Variants in CCDC91 observed in about 807,000 individuals in gnomAD.
The protein encoded by CCDC91 is coiled-coil domain containing 91.
Under a neutral mutation model 63.2 loss-of-function variants are expected in CCDC91, and 48 were observed. The observed-to-expected ratio is 0.76, with a 90% confidence interval of 0.60 to 0.97. CCDC91 has a LOEUF of 0.97. Ranked by LOEUF, CCDC91 falls within the 50% of genes least tolerant of loss-of-function variation. The pLI is 0.00. For missense variants in CCDC91, 500 were observed against 494.6 expected, an observed-to-expected ratio of 1.01 and a Z score of -0.10; for synonymous variants, 167 against 165.8, an observed-to-expected ratio of 1.01 and a Z score of -0.06.
At chr12:28,402,330 C>G (rs911841080) in intron 8 of CCDC91, among the ~76,000 whole-genome samples, 10 of 151,892 alleles carry the variant, frequency 6.6e-5, no homozygotes, top group Non-Finnish European at 1.3e-4. Flanking sequence ...TTGTAGTTTT[C>G]CTCTTATAGA....
chr12:28,303,554 G>A (rs1216462408), intron 3 of CCDC91, among the ~76,000 whole-genome samples: 1 of 151,968 alleles, frequency 6.6e-6, no homozygotes, highest in Admixed American at 6.6e-5. Flanking sequence ...TATTAAAATA[G>A]GTGTTAGATC....
At chr12:28,369,481 C>T (rs1298763103) in intron 7 of CCDC91, among the ~76,000 whole-genome samples, 1 of 152,214 alleles carries the variant, frequency 6.6e-6, no homozygotes, top group Non-Finnish European at 1.5e-5. Context: ...GCTGCTTCCA[C>T]AGGCTGGCAT....
At chr12:28,499,430 A>G (rs1339890796) in intron 12 of CCDC91, among the ~76,000 whole-genome samples, 2 of 151,788 alleles carry the variant, frequency 1.3e-5, no homozygotes, top group African/African-American at 2.4e-5. Context: ...ATAGGTATAC[A>G]TGTGCCATAG....
At chr12:28,193,856 TTA>T (rs1941493099) in intron 1 of CCDC91, among the ~76,000 whole-genome samples, 1 of 138,952 alleles carries the variant, frequency 7.2e-6, no homozygotes, top group Non-Finnish European at 1.6e-5. Flanking sequence ...TCTTCTTTGA[TTA>T]AGTGTCTGCT....
chr12:28,505,229 G>A (rs1210198896), intron 12 of CCDC91, among the ~76,000 whole-genome samples: 2 of 151,828 alleles, frequency 1.3e-5, no homozygotes, highest in African/African-American at 2.4e-5. Flanking sequence ...GCTGAATTTT[G>A]TATATGAAGT....
intron 12 of CCDC91, among the ~76,000 whole-genome samples, chr12:28,513,023 A>G (rs1338039113): frequency 1.3e-5 from 2 of 151,850 alleles, no homozygotes; most frequent in Admixed American, 1.3e-4. Flanking sequence ...CTAGATGTAA[A>G]TCTTCCAGGA....
rs188270572 is a variant in CCDC91 at position 28,250,859 on chromosome 12, T to C, written c.-14-6343T>C. Reference sequence around the variant, plus strand: ...AACTTAGGTAGACAGTTACATTTTCTTGACCCAATAAGCCTGAAATTCTGT... The same window carrying C: ...AACTTAGGTAGACAGTTACATTTTCCTGACCCAATAAGCCTGAAATTCTGT... On this transcript the variant is annotated intron_variant, in intron 1 of 12. Coordinates refer to ENST00000536442, the MANE Select transcript of CCDC91 (RefSeq NM_018318.5). 6.6e-5 allele frequency among the ~76,000 whole-genome samples: 10 copies of C among 152,182 alleles called. No individual in the cohort carries two copies. The East Asian group carries it at 1.9e-3, about 29-fold the overall frequency.
At chr12:28,292,662 A>G (rs561854060) in intron 3 of CCDC91, among the ~76,000 whole-genome samples, 1 of 152,194 alleles carries the variant, frequency 6.6e-6, no homozygotes, top group South Asian at 2.1e-4. Context: ...CCATATTAAT[A>G]TAAAATAGGC....
At position 28,193,723 on chromosome 12, in the gene CCDC91, AT is replaced by A. The variant is rs144408301; in HGVS notation, c.-15+3086del. On this transcript the variant is annotated intron_variant, in intron 1 of 12. Coordinates refer to ENST00000536442, the MANE Select transcript of CCDC91 (RefSeq NM_018318.5). ...CTCCACATTCTGGTCAGCACTTGTC[AT>A]TTTATTTTTAATGTTAGCTATTCTA... Among the ~76,000 whole-genome samples the A allele has an allele frequency of 8.5e-3, 1,289 of 152,190 alleles. 24 individuals are homozygous for A. The highest frequency in any genetic ancestry group is 0.028 in the African/African-American group (1,160 of 41,528).
chr12:28,241,230 A>G (rs994968853), intron 1 of CCDC91, among the ~76,000 whole-genome samples: 3 of 152,212 alleles, frequency 2.0e-5, no homozygotes, highest in African/African-American at 4.8e-5. Flanking sequence ...TCTATTGAAA[A>G]GAACATGCTT....
intron 12 of CCDC91, among the ~76,000 whole-genome samples, chr12:28,498,348 G>A (rs902840220): frequency 6.6e-6 from 1 of 151,582 alleles, no homozygotes; most frequent in Non-Finnish European, 1.5e-5. Flanking sequence ...AGAAAACTGT[G>A]AACAAGGCAT....
At chr12:28,429,966 C>G (rs1023477081) in intron 8 of CCDC91, among the ~76,000 whole-genome samples, 3 of 152,008 alleles carry the variant, frequency 2.0e-5, no homozygotes, top group African/African-American at 7.2e-5. Context: ...TTTTGAGTCA[C>G]TTCATTCTGT....
chr12:28,344,791 C>T (rs1455662074), intron 6 of CCDC91, among the ~76,000 whole-genome samples: 1 of 152,118 alleles, frequency 6.6e-6, no homozygotes, highest in African/African-American at 2.4e-5. Context: ...GAGCCTTCCA[C>T]TATTTTCTCC....
intron 1 of CCDC91, among the ~76,000 whole-genome samples, chr12:28,232,011 C>T (rs1565645399): frequency 1.3e-5 from 2 of 152,130 alleles, no homozygotes; most frequent in Admixed American, 6.6e-5. Flanking sequence ...GGATAATTCA[C>T]TCCAGAAAGT....
chr12:28,321,246 C>T (rs895746043), intron 6 of CCDC91, among the ~76,000 whole-genome samples: 3 of 151,830 alleles, frequency 2.0e-5, no homozygotes, highest in African/African-American at 7.2e-5. Context: ...CCCCATATCC[C>T]ATTCCTCTTT....
intron 3 of CCDC91, among the ~76,000 whole-genome samples, chr12:28,274,488 C>G (rs1157452164): frequency 2.0e-5 from 3 of 152,186 alleles, no homozygotes; most frequent in Admixed American, 2.0e-4. Flanking sequence ...GAATGTTCTT[C>G]CATTTGTTTG....
intron 11 of CCDC91, among the ~76,000 whole-genome samples, chr12:28,469,705 A>T (rs1950716035): frequency 6.6e-6 from 1 of 152,188 alleles, no homozygotes; most frequent in Non-Finnish European, 1.5e-5. Flanking sequence ...GAGCTATAGT[A>T]ACCAAAGCAG....
rs2947502 is a variant in CCDC91, at chr12:28,201,486, C to T, written c.-15+10845C>T. Among the ~76,000 whole-genome samples, 545 of 104,108 alleles carry T rather than the reference C, an allele frequency of 5.2e-3. 20 individuals carry two copies. Among genetic ancestry groups the T allele is most frequent in the Non-Finnish European group, 8.5e-3 (332 of 38,968 alleles). 68.3% of individuals were successfully genotyped at this position (104,108 alleles called of 152,430 possible). ...AGATGGGATGGCGACTGGGAAGAGGCGCTCGTCACTTCCTAGATGGGATGG... is the reference window on the plus strand; with the variant it reads ...AGATGGGATGGCGACTGGGAAGAGGTGCTCGTCACTTCCTAGATGGGATGG... On this transcript the variant is annotated intron_variant, in intron 1 of 12. Coordinates refer to ENST00000536442, the MANE Select transcript of CCDC91 (RefSeq NM_018318.5).
At chr12:28,466,853 A>G (rs1434288966) in intron 11 of CCDC91, among the ~76,000 whole-genome samples, 2 of 152,136 alleles carry the variant, frequency 1.3e-5, no homozygotes, top group African/African-American at 4.8e-5. Flanking sequence ...GTAAACTTTT[A>G]TCCTAAGGAG....
Sources: allele counts gnomAD v4.1 joint callset (sites outside exome capture counted in the v4.1 genomes callset), GRCh38; gene constraint gnomAD v4.1.1; transcripts MANE v1.5; gene names NCBI Gene and HGNC (gene_info 2026-07-23, HGNC 2026-07-21).